The following ZEB2 variants were observed in gnomAD, a reference collection of about 807,000 sequenced individuals.
The protein encoded by ZEB2 is zinc finger E-box-binding homeobox 2.
In ZEB2, 6 loss-of-function variants were observed where a neutral mutation model predicts 99.9. That is an observed-to-expected ratio of 0.06 (90% CI 0.03 to 0.12). The LOEUF (loss-of-function observed/expected upper bound fraction) is 0.12. Ranked by LOEUF, ZEB2 falls within the 10% of genes least tolerant of loss-of-function variation. ZEB2 has a pLI of 1.00. For missense variants in ZEB2, 969 were observed against 1,502.8 expected (o/e 0.64, Z 5.87); for synonymous variants, 517 against 542.5 (o/e 0.95, Z 0.65).
intron 2 of ZEB2, among the ~76,000 whole-genome samples, chr2:144,517,004 G>A (rs1424773028): frequency 6.7e-6 from 1 of 149,816 alleles, no homozygotes; most frequent in African/African-American, 2.4e-5. Context: ...GGCTCGAGGG[G>A]GGCAGCGGGG....
intron 2 of ZEB2, among the ~76,000 whole-genome samples, chr2:144,454,635 GT>G (rs1237937068): frequency 1.3e-5 from 2 of 152,142 alleles, no homozygotes; most frequent in Non-Finnish European, 2.9e-5. Context: ...TATCTATTGT[GT>G]TTTGATTAAT....
Position 144,398,435 on chromosome 2 carries a change from G to T in ZEB2, c.2752C>A (p.Pro918Thr). ...AGTCCTGGGTATGGTCGTAGCCCAG[G>T]AATACTGGTCTGGACTGGTGGCATG... ...TFMPPVQTSI[P>T]GLRPYPGLDQ... Residue 918 changes from proline to threonine, a missense_variant, in exon 8 of 10, where the codon CCT becomes ACT. Pro to Thr is a conservative substitution (Grantham distance 38). Transcript: ENST00000627532. The T allele has an allele frequency of 1.2e-6, 2 of 1,614,076 alleles. No homozygotes were observed. Among genetic ancestry groups the T allele is most frequent in the South Asian group, 2.2e-5 (2 of 91,066 alleles).
intron 2 of ZEB2, chr2:144,511,944 C>A: frequency 7.8e-7 from 1 of 1,287,146 alleles, no homozygotes; most frequent in Non-Finnish European, 1.0e-6. Flanking sequence ...ACATTTAATT[C>A]TGTATATTTT....
At chr2:144,417,492 G>A (rs1365695860) in intron 4 of ZEB2, among the ~76,000 whole-genome samples, 1 of 152,130 alleles carries the variant, frequency 6.6e-6, no homozygotes, top group Non-Finnish European at 1.5e-5. Flanking sequence ...TATGAGTGAG[G>A]TCAAGTGATA....
At chr2:144,425,436 T>C (rs1265132480) in intron 3 of ZEB2, among the ~76,000 whole-genome samples, 1 of 152,188 alleles carries the variant, frequency 6.6e-6, no homozygotes, top group African/African-American at 2.4e-5. Flanking sequence ...CACTGCTTGA[T>C]ACAAACTTCT....
chr2:144,493,531 C>T (rs933960241), intron 2 of ZEB2, among the ~76,000 whole-genome samples: 3 of 152,088 alleles, frequency 2.0e-5, no homozygotes, highest in Admixed American at 6.5e-5. Context: ...TTCATTATAT[C>T]GAGTGTCTGG....
chr2:144,472,241 T>C (rs1311450597), intron 2 of ZEB2, among the ~76,000 whole-genome samples: 1 of 152,146 alleles, frequency 6.6e-6, no homozygotes, highest in Non-Finnish European at 1.5e-5. Context: ...ATCATTCTTA[T>C]CATAATGTTC....
chr2:144,401,647 G>A (rs892901236), intron 6 of ZEB2, among the ~76,000 whole-genome samples: 8 of 152,190 alleles, frequency 5.3e-5, no homozygotes, highest in Middle Eastern at 3.4e-3. Context: ...TCTAAAATAT[G>A]AACATTCTCT....
Position 144,399,487 on chromosome 2 carries a change from G to A in ZEB2, c.1700C>T (p.Thr567Ile), listed in dbSNP as rs1204140022. 2 of 1,614,008 alleles carry A rather than the reference G, an allele frequency of 1.2e-6. No homozygotes were observed. Among genetic ancestry groups the A allele is most frequent in the Non-Finnish European group, 1.7e-6 (2 of 1,180,018 alleles). The change falls in exon 8 of 10, where the codon ACT becomes ATT. Residue 567 changes from threonine to isoleucine, a missense_variant. Around this residue, in one of 8 missense-constraint regions of ZEB2, gnomAD observed 227 missense variants for 278.2 expected, o/e 0.82. Transcript: ENST00000627532. The surrounding 1 kb of genome is among the most constrained non-coding windows in gnomAD (Gnocchi z 5.6). ...EKLRTLIDLV[T>I]DDKMIENHNI... The stretch of plus-strand genomic sequence containing the variant: ...GTGGTTCTCAATCATTTTGTCATCA[G>A]TGACCAAATCTATTAAAGTACGTAG...
chr2:144,492,825 T>C (rs1704701530), intron 2 of ZEB2, among the ~76,000 whole-genome samples: 1 of 152,272 alleles, frequency 6.6e-6, no homozygotes, highest in African/African-American at 2.4e-5. Flanking sequence ...CCAAAGCTTT[T>C]TTCTACATAT....
chr2:144,506,234 T>C (rs1427119791), intron 2 of ZEB2, among the ~76,000 whole-genome samples: 1 of 152,190 alleles, frequency 6.6e-6, no homozygotes, highest in African/African-American at 2.4e-5. Flanking sequence ...GCTAGATGAC[T>C]GTAGTGAAAG....
At chr2:144,490,764 C>T (rs966222404) in intron 2 of ZEB2, among the ~76,000 whole-genome samples, 2 of 152,198 alleles carry the variant, frequency 1.3e-5, no homozygotes, top group Non-Finnish European at 2.9e-5. Context: ...TTCCACTTTT[C>T]GCACTCATTT....
intron 2 of ZEB2, among the ~76,000 whole-genome samples, chr2:144,476,213 T>G (rs1704428629): frequency 6.6e-6 from 1 of 152,170 alleles, no homozygotes; most frequent in Admixed American, 6.5e-5. Flanking sequence ...GCCATTTGAT[T>G]TCTGCAAACC....
chr2:144,494,989 T>C (rs1259051816), intron 2 of ZEB2: 1 of 152,210 alleles, frequency 6.6e-6, no homozygotes, highest in Non-Finnish European at 1.5e-5. Context: ...GTAACCTCAG[T>C]GTATACACAC....
At chr2:144,518,119 A>T (rs1560662211) in intron 1 of ZEB2, 1 of 139,008 alleles carries the variant, frequency 7.2e-6, no homozygotes, top group Non-Finnish European at 1.5e-5. Context: ...TATTTACTTA[A>T]GTATTTCCCC....
At chr2:144,487,373 T>C (rs1259450727) in intron 2 of ZEB2, among the ~76,000 whole-genome samples, 1 of 152,158 alleles carries the variant, frequency 6.6e-6, no homozygotes, top group African/African-American at 2.4e-5. Context: ...TTTTGAATGA[T>C]ATATACTTAT....
intron 2 of ZEB2, chr2:144,511,286 A>G: frequency 1.4e-6 from 1 of 734,770 alleles, no homozygotes; most frequent in Non-Finnish European, 1.8e-6. Flanking sequence ...GAGAAAAGCC[A>G]AAAGATACAC....
intron 2 of ZEB2, among the ~76,000 whole-genome samples, chr2:144,510,231 A>G (rs970562002): frequency 6.6e-6 from 1 of 151,856 alleles, no homozygotes; most frequent in African/African-American, 2.4e-5. Context: ...ATAAAAAGTC[A>G]GGGGGAAAAA....
At position 144,517,217 on chromosome 2, in the gene ZEB2, T is replaced by C. The variant is rs2149935041; in HGVS notation, c.73+61A>G. The C allele has an allele frequency of 8.1e-6, 13 of 1,604,606 alleles. No individual in the cohort carries two copies. In the South Asian group the frequency reaches 1.4e-4, roughly 18 times the overall value. On this transcript the variant is annotated intron_variant, in intron 2 of 9. Transcript: ENST00000627532. ...CGGTTCCTTTTCCCTTTCCCCCTCCTTCTCCCTGGGTCTCGAGCCGCGTAG... is the reference window on the plus strand; with the variant it reads ...CGGTTCCTTTTCCCTTTCCCCCTCCCTCTCCCTGGGTCTCGAGCCGCGTAG...
Sources: gnomAD v4.1 joint callset for allele counts (sites outside exome capture counted in the v4.1 genomes callset) on GRCh38, gnomAD v4.1.1 for gene constraint, gnomAD v4.1.1 regional missense constraint, Gnocchi (gnomAD v3.1) non-coding constraint, MANE v1.5 for transcripts, NCBI Gene and HGNC (gene_info 2026-07-23, HGNC 2026-07-21) for gene names.